Variants in HSD17B12 observed in about 807,000 individuals in gnomAD.
HSD17B12 encodes very-long-chain 3-oxoacyl-CoA reductase.
In HSD17B12, 32 loss-of-function variants were observed where a neutral mutation model predicts 39.3. That is an observed-to-expected ratio of 0.81 (90% CI 0.61 to 1.09). The LOEUF is 1.09. HSD17B12 is among the 50% of genes least tolerant of loss of function. The probability of loss-of-function intolerance (pLI) is 0.00; values close to 1 mark genes in which losing one functional copy is unlikely to be tolerated. For missense variants in HSD17B12, 342 were observed against 382.9 expected (o/e 0.89, Z 0.89); for synonymous variants, 150 against 146.7 (o/e 1.02, Z -0.16).
intron 1 of HSD17B12, among the ~76,000 whole-genome samples, chr11:43,683,944 T>A (rs756722522): frequency 3.3e-5 from 5 of 152,232 alleles, no homozygotes; most frequent in Non-Finnish European, 4.4e-5. Flanking sequence ...TCTCACAAAT[T>A]GGCTCTTCTA....
intron 3 of HSD17B12, among the ~76,000 whole-genome samples, chr11:43,792,300 T>G (rs1306387857): frequency 6.6e-6 from 1 of 152,224 alleles, no homozygotes; most frequent in East Asian, 1.9e-4. Flanking sequence ...AATCTCTAAA[T>G]ACTGTAAAAC....
At chr11:43,706,977 G>A (rs1203869527) in intron 1 of HSD17B12, among the ~76,000 whole-genome samples, 1 of 151,612 alleles carries the variant, frequency 6.6e-6, no homozygotes, top group Non-Finnish European at 1.5e-5. Context: ...TGTCATTTCT[G>A]CCCCTTATTT....
At chr11:43,770,388 A>T (rs1950637580) in intron 3 of HSD17B12, among the ~76,000 whole-genome samples, 1 of 152,116 alleles carries the variant, frequency 6.6e-6, no homozygotes, top group Admixed American at 6.5e-5. Context: ...ACTTGCTTTT[A>T]TTAGGACCTC....
the HSD17B12 span, among the ~76,000 whole-genome samples, chr11:43,664,232 C>A: frequency 6.6e-6 from 1 of 152,060 alleles, no homozygotes; most frequent in South Asian, 2.1e-4. Context: ...TTGGTTTGGC[C>A]TAAAAGGGTG....
chr11:43,574,030 G>T, the HSD17B12 span, among the ~76,000 whole-genome samples: 1 of 152,184 alleles, frequency 6.6e-6, no homozygotes, highest in African/African-American at 2.4e-5. Flanking sequence ...ATTCTCACAT[G>T]CATGCATGTA....
At chr11:43,798,924 C>T (rs1232840998) in intron 4 of HSD17B12, among the ~76,000 whole-genome samples, 1 of 151,946 alleles carries the variant, frequency 6.6e-6, no homozygotes, top group African/African-American at 2.4e-5. Context: ...AATTTATCCC[C>T]CTGATATTTT....
chr11:43,742,075 A>T (rs1344831039), intron 1 of HSD17B12, among the ~76,000 whole-genome samples: 1 of 147,934 alleles, frequency 6.8e-6, no homozygotes, highest in African/African-American at 2.5e-5. Flanking sequence ...TATCTCTGCT[A>T]CTACTGTTGG....
At chr11:43,746,795 T>A (rs1363910960) in intron 1 of HSD17B12, among the ~76,000 whole-genome samples, 3 of 152,216 alleles carry the variant, frequency 2.0e-5, no homozygotes, top group African/African-American at 7.2e-5. Context: ...AAACACGTGA[T>A]TAATGCATTA....
At chr11:43,640,834 T>G in the HSD17B12 span, 1 of 151,966 alleles carries the variant, frequency 6.6e-6, no homozygotes, top group Non-Finnish European at 1.5e-5. Context: ...TTAATTATAT[T>G]TCAGACTTGC....
the HSD17B12 span, among the ~76,000 whole-genome samples, chr11:43,669,523 A>G: frequency 6.6e-6 from 1 of 152,028 alleles, no homozygotes; most frequent in South Asian, 2.1e-4. Context: ...AAGAATAGCA[A>G]TTTATTCTCT....
intron 2 of HSD17B12, 86 bp downstream of exon 2, chr11:43,751,043 A>G: frequency 2.3e-6 from 2 of 870,340 alleles, no homozygotes; most frequent in Non-Finnish European, 3.6e-6. Context: ...TGATTTTTGA[A>G]GTAAAAAACA....
At chr11:43,578,102 A>G in the HSD17B12 span, among the ~76,000 whole-genome samples, 1 of 152,202 alleles carries the variant, frequency 6.6e-6, no homozygotes, top group Non-Finnish European at 1.5e-5. Flanking sequence ...GTACATCCTC[A>G]AGCTGGCCCG....
intron 4 of HSD17B12, among the ~76,000 whole-genome samples, chr11:43,814,037 C>A (rs1199722445): frequency 6.6e-6 from 1 of 152,122 alleles, no homozygotes; most frequent in Admixed American, 6.5e-5. Flanking sequence ...GGCATAATTC[C>A]TTATAAGCTG....
chr11:43,854,662 T>C, intron 9 of HSD17B12, 53 bp from the exon 10 acceptor site: 2 of 1,590,638 alleles, frequency 1.3e-6, no homozygotes, highest in Non-Finnish European at 1.7e-6. Flanking sequence ...ATTCTGAGTT[T>C]GTGGCCTTAC....
intron 2 of HSD17B12, 113 bp downstream of exon 2, chr11:43,751,070 T>C: frequency 1.5e-6 from 1 of 669,430 alleles, no homozygotes; most frequent in South Asian, 2.2e-5. Flanking sequence ...TAATGTTGCA[T>C]GGTACAATAG....
chr11:43,714,996 T>G (rs7111965), intron 1 of HSD17B12, among the ~76,000 whole-genome samples: 4,215 of 152,210 alleles, frequency 0.028, 190 homozygotes, highest in African/African-American at 0.094. Context: ...CTTTGCTGAA[T>G]TTGCTTATCA....
At chr11:43,608,934 A>T in the HSD17B12 span, among the ~76,000 whole-genome samples, 3 of 151,842 alleles carry the variant, frequency 2.0e-5, no homozygotes, top group Admixed American at 1.3e-4. Flanking sequence ...ACAACCCCCC[A>T]ACCTCTTTTT....
chr11:43,757,905 G>T (rs1042527894), intron 3 of HSD17B12, among the ~76,000 whole-genome samples: 23 of 152,046 alleles, frequency 1.5e-4, no homozygotes, highest in African/African-American at 4.6e-4. Flanking sequence ...AACAAAACTG[G>T]AGCCTTACTG....
At chr11:43,686,593 C>CT (rs1376886457) in intron 1 of HSD17B12, among the ~76,000 whole-genome samples, 2 of 95,630 alleles carry the variant, frequency 2.1e-5, no homozygotes, top group Non-Finnish European at 2.1e-5. Flanking sequence ...TGCTCCCACC[C>CT]TGTTTTTTTT....
Sources: gnomAD v4.1 joint callset for allele counts (sites outside exome capture counted in the v4.1 genomes callset) on GRCh38, gnomAD v4.1.1 for gene constraint, MANE v1.5 for transcripts, NCBI Gene and HGNC (gene_info 2026-07-23, HGNC 2026-07-21) for gene names.